ERBB4: variants seen among roughly 807,000 people sequenced by gnomAD.
ERBB4 encodes the protein receptor tyrosine-protein kinase erbB-4.
ERBB4 carries 42 observed loss-of-function variants against 158.0 expected under a neutral mutation model. The observed-to-expected ratio is 0.27, with a 90% CI of 0.21 to 0.34. The LOEUF is 0.34. Among genes scored for constraint, ERBB4 ranks in the 10% least tolerant of loss-of-function variants. The pLI is 1.00. For missense variants in ERBB4, 1,333 were observed against 1,624.1 expected, an observed-to-expected ratio of 0.82 and a Z score of 3.08; for synonymous variants, 583 against 558.7, an observed-to-expected ratio of 1.04 and a Z score of -0.61.
chr2:212,321,881 CA>C (rs1317773527), intron 1 of ERBB4, among the ~76,000 whole-genome samples: 1 of 149,778 alleles, frequency 6.7e-6, no homozygotes, highest in Non-Finnish European at 1.5e-5. Flanking sequence ...ATAATTTCTT[CA>C]AAATGCTAAT....
intron 1 of ERBB4, among the ~76,000 whole-genome samples, chr2:212,142,328 A>C (rs997622076): frequency 6.6e-6 from 1 of 152,014 alleles, no homozygotes; most frequent in African/African-American, 2.4e-5. Context: ...CATAGTAGGT[A>C]CTCAATAAAT....
At chr2:211,804,800 T>C (rs2105899110) in intron 3 of ERBB4, among the ~76,000 whole-genome samples, 1 of 152,318 alleles carries the variant, frequency 6.6e-6, no homozygotes, top group South Asian at 2.1e-4. Flanking sequence ...GTAGCCTTCC[T>C]TCTTTAACTG....
intron 1 of ERBB4, among the ~76,000 whole-genome samples, chr2:212,183,702 T>A (rs2125694975): frequency 6.6e-6 from 1 of 152,146 alleles, no homozygotes; most frequent in African/African-American, 2.4e-5. Context: ...AGATGTATAG[T>A]CCATTGTACT....
At chr2:212,112,380 G>A (rs1268217047) in intron 2 of ERBB4, among the ~76,000 whole-genome samples, 1 of 151,790 alleles carries the variant, frequency 6.6e-6, no homozygotes, top group Non-Finnish European at 1.5e-5. Context: ...TGTCTGCTCA[G>A]GGTCCCCAAA....
At chr2:212,099,172 TA>T (rs2079012899) in intron 2 of ERBB4, among the ~76,000 whole-genome samples, 1 of 129,758 alleles carries the variant, frequency 7.7e-6, no homozygotes, top group Admixed American at 7.5e-5. Context: ...AATAAATAAA[TA>T]AATAAATAAA....
At chr2:212,460,177 G>A (rs1688500290) in intron 1 of ERBB4, among the ~76,000 whole-genome samples, 1 of 152,188 alleles carries the variant, frequency 6.6e-6, no homozygotes, top group African/African-American at 2.4e-5. Flanking sequence ...CCCAGCATGT[G>A]GAACTGTAAG....
At chr2:211,549,575 G>A (rs1232569641) in intron 20 of ERBB4, among the ~76,000 whole-genome samples, 1 of 152,112 alleles carries the variant, frequency 6.6e-6, no homozygotes, top group Admixed American at 6.5e-5. Flanking sequence ...ATGTGGCAAA[G>A]AGCCTCATCA....
intron 2 of ERBB4, among the ~76,000 whole-genome samples, chr2:212,002,965 A>G (rs2076140574): frequency 6.6e-6 from 1 of 151,276 alleles, no homozygotes; most frequent in African/African-American, 2.4e-5. Flanking sequence ...AGGCTGTGGC[A>G]GGAGAATTGC....
chr2:212,505,669 G>C (rs1452508823), intron 1 of ERBB4, among the ~76,000 whole-genome samples: 7 of 148,760 alleles, frequency 4.7e-5, no homozygotes, highest in Admixed American at 4.7e-4. Flanking sequence ...CAAACAGCAG[G>C]CTTGTTTGAT....
chr2:212,386,186 C>T (rs1368280546), intron 1 of ERBB4, among the ~76,000 whole-genome samples: 3 of 151,266 alleles, frequency 2.0e-5, no homozygotes, highest in Admixed American at 6.6e-5. Flanking sequence ...TGTTTTTTAT[C>T]GACTCCCAAG....
chr2:211,709,555 C>A (rs2073611530), intron 9 of ERBB4, among the ~76,000 whole-genome samples: 1 of 151,998 alleles, frequency 6.6e-6, no homozygotes, highest in Non-Finnish European at 1.5e-5. Context: ...ACCCCACGAA[C>A]AGGAAGTTGG....
intron 18 of ERBB4, among the ~76,000 whole-genome samples, chr2:211,620,474 C>T (rs2069557952): frequency 6.6e-6 from 1 of 151,950 alleles, no homozygotes; most frequent in Non-Finnish European, 1.5e-5. Context: ...ATCAGGAGAC[C>T]TGAACACAAG....
intron 2 of ERBB4, among the ~76,000 whole-genome samples, chr2:212,072,500 T>C (rs1235551869): frequency 6.6e-6 from 1 of 151,916 alleles, no homozygotes; most frequent in African/African-American, 2.4e-5. Flanking sequence ...CTTTCAAGTA[T>C]AAAAAAGACA....
At chr2:211,875,413 C>T (rs1365486096) in intron 3 of ERBB4, among the ~76,000 whole-genome samples, 11 of 152,008 alleles carry the variant, frequency 7.2e-5, no homozygotes, top group African/African-American at 1.2e-4. Flanking sequence ...AGATGCATTC[C>T]TTTATTTGCC....
chr2:212,436,224 C>T (rs765148667), intron 1 of ERBB4, among the ~76,000 whole-genome samples: 2 of 151,896 alleles, frequency 1.3e-5, no homozygotes, highest in Non-Finnish European at 2.9e-5. Flanking sequence ...AAAAAGCAAT[C>T]GGTAAGATCT....
At chr2:211,775,292 G>C (rs915509042) in intron 4 of ERBB4, among the ~76,000 whole-genome samples, 1 of 152,200 alleles carries the variant, frequency 6.6e-6, no homozygotes, top group African/African-American at 2.4e-5. Context: ...TGGGGGACTT[G>C]GCTATAGTTC....
chr2:211,412,318 TG>T (rs1330390919), intron 25 of ERBB4, among the ~76,000 whole-genome samples: 1 of 152,128 alleles, frequency 6.6e-6, no homozygotes, highest in Admixed American at 6.5e-5. Flanking sequence ...TTGTTTGTGG[TG>T]GGGGGTTTTA....
At chr2:211,763,670 T>C (rs1038986373) in intron 4 of ERBB4, among the ~76,000 whole-genome samples, 1 of 152,162 alleles carries the variant, frequency 6.6e-6, no homozygotes, top group Non-Finnish European at 1.5e-5. Context: ...TGAGTTTTTG[T>C]TACAGATTGC....
chr2:212,353,807 A>G (rs985022424), intron 1 of ERBB4, among the ~76,000 whole-genome samples: 3 of 58,424 alleles, frequency 5.1e-5, no homozygotes, highest in African/African-American at 1.3e-4. Flanking sequence ...CCCCTGTTAC[A>G]CTTGAAACCA....
Sources: allele counts gnomAD v4.1 joint callset (sites outside exome capture counted in the v4.1 genomes callset), GRCh38; gene constraint gnomAD v4.1.1; transcripts MANE v1.5; gene names NCBI Gene and HGNC (gene_info 2026-07-23, HGNC 2026-07-21).